The following CFAP54 variants were observed in gnomAD, a reference collection of about 807,000 sequenced individuals.
CFAP54 encodes the protein cilia- and flagella-associated protein 54.
Under a neutral mutation model 370.4 loss-of-function variants are expected in CFAP54, and 290 were observed. The ratio of observed to expected loss-of-function variants is 0.78; its 90% confidence interval spans 0.71 to 0.86. CFAP54 has a LOEUF of 0.86. CFAP54 is among the 40% of genes least tolerant of loss of function. CFAP54 has a pLI of 0.00. For synonymous variants in CFAP54, 1,206 were observed against 1,236.5 expected (o/e 0.98, Z 0.52); for missense variants, 3,399 against 3,528.7 (o/e 0.96, Z 0.93).
intron 66 of CFAP54, among the ~76,000 whole-genome samples, chr12:96,853,338 G>A (rs1462608146): frequency 6.6e-6 from 1 of 152,098 alleles, no homozygotes; most frequent in Non-Finnish European, 1.5e-5. Context: ...CTATTCATAT[G>A]CAGTAAAAAC....
intron 3 of CFAP54, among the ~76,000 whole-genome samples, chr12:96,505,666 C>A (rs1022351074): frequency 3.3e-5 from 5 of 151,954 alleles, no homozygotes; most frequent in Non-Finnish European, 7.4e-5. Context: ...TCATGCCTGG[C>A]TAATTTTTGT....
At chr12:96,819,084 C>T (rs1959004862) in intron 65 of CFAP54, among the ~76,000 whole-genome samples, 1 of 152,252 alleles carries the variant, frequency 6.6e-6, no homozygotes, top group Non-Finnish European at 1.5e-5. Context: ...CACAATTCCG[C>T]TCTGCAGAGG....
At chr12:96,621,857 T>C (rs1956494569) in intron 27 of CFAP54, 136 bp downstream of exon 27, 2 of 339,358 alleles carry the variant, frequency 5.9e-6, no homozygotes. Context: ...AGTATTATAG[T>C]AAAGAGCTTT....
rs866957527 is a variant in CFAP54 at position 96,549,765 on chromosome 12, C to G, written c.2154+1787C>G. On this transcript the variant is annotated intron_variant, in intron 15 of 67. Transcript: ENST00000524981. ...GATATTGTAATGTGGAAACTAGTAC[C>G]TGGCACATGATAGCTGCTGTTTTTC... 2.0e-5 allele frequency among the ~76,000 whole-genome samples: 3 copies of G among 152,212 alleles called. No individual in the cohort carries two copies. The South Asian group carries it at 6.2e-4, about 32-fold the overall frequency.
In CFAP54 at chr12:96,743,982, C is replaced by T. The variant is rs112456197; in HGVS notation, c.7558-38C>T. 1.1e-3 allele frequency: 1,801 copies of T among 1,602,042 alleles called. 19 individuals are homozygous for T. In the African/African-American group the frequency reaches 0.02, roughly 17 times the overall value. ...TCTTTCCTCCTATTCCAAACCACGT[C>T]AACTAATTGCTCATTACAATATTTG... is the stretch of plus-strand genomic sequence containing the variant. On this transcript the variant is annotated intron_variant, in intron 54 of 67. Transcript: ENST00000524981.
chr12:96,744,829 A>T (rs1822949424), intron 55 of CFAP54, among the ~76,000 whole-genome samples: 1 of 152,122 alleles, frequency 6.6e-6, no homozygotes, highest in Non-Finnish European at 1.5e-5. Flanking sequence ...TTCATTGGCC[A>T]TTCTTCCTGA....
chr12:96,583,871 C>G lies in CFAP54; in HGVS notation c.3075+2766C>G, dbSNP rs143405196. Among the ~76,000 whole-genome samples the G allele has an allele frequency of 3.7e-3, 570 of 152,304 alleles. 4 individuals are homozygous for G. The highest frequency in any genetic ancestry group is 0.012 in the African/African-American group (512 of 41,568). On this transcript the variant is annotated intron_variant, in intron 22 of 67. Coordinates refer to ENST00000524981, the MANE Select transcript of CFAP54 (RefSeq NM_001306084.2). Reference sequence around the variant, plus strand: ...TGACCCTCTGCTCCTTAGAGAGCTCCTCTTCTCTTTAACCCTCTTCCTTCC... The same window carrying G: ...TGACCCTCTGCTCCTTAGAGAGCTCGTCTTCTCTTTAACCCTCTTCCTTCC...
chr12:96,539,064 G>GTTTTTTTT (rs1314197505), intron 13 of CFAP54, among the ~76,000 whole-genome samples: 4,149 of 111,038 alleles, frequency 0.037, 537 homozygotes, highest in South Asian at 0.049. Context: ...GCCTTTTCAG[G>GTTTTTTTT]TTTTTTTTTT....
chr12:96,682,350 A>T lies in CFAP54; in HGVS notation c.5717-2298A>T, dbSNP rs574408262. 3.4e-5 allele frequency: 33 copies of T among 980,324 alleles called. No individual in the cohort carries two copies. The African/African-American group carries it at 4.7e-4, about 14-fold the overall frequency. The allele number at this position is 980,324 out of a possible 1,614,324, so 60.7% of individuals were successfully genotyped here. A position where few individuals can be genotyped will look rare whatever the true frequency, so the allele number is the denominator to read the frequency against. On this transcript the variant is annotated intron_variant, in intron 40 of 67. Transcript: ENST00000524981. The stretch of plus-strand genomic sequence containing the variant: ...ACCAAACTATTGGTAAGAGTTAGCC[A>T]TTATGTACTCATTTTCTTTAAATTT...
intron 66 of CFAP54, among the ~76,000 whole-genome samples, chr12:96,833,994 C>G (rs979231885): frequency 2.0e-5 from 3 of 152,136 alleles, no homozygotes; most frequent in African/African-American, 7.2e-5. Flanking sequence ...CAAGGTCTCA[C>G]AGCTTGATAA....
intron 55 of CFAP54, among the ~76,000 whole-genome samples, chr12:96,746,151 C>T (rs922075652): frequency 5.9e-5 from 9 of 152,124 alleles, no homozygotes; most frequent in African/African-American, 1.9e-4. Flanking sequence ...TTTTACCCCT[C>T]TCTCACATGT....
chr12:96,597,604 A>G (rs1338181354), intron 25 of CFAP54, among the ~76,000 whole-genome samples: 2 of 151,836 alleles, frequency 1.3e-5, no homozygotes, highest in Non-Finnish European at 2.9e-5. Flanking sequence ...ACCAAATAAT[A>G]TTATGCAGCC....
At chr12:96,680,201 AC>A (rs1292439702) in intron 40 of CFAP54, among the ~76,000 whole-genome samples, 1 of 152,254 alleles carries the variant, frequency 6.6e-6, no homozygotes, top group East Asian at 1.9e-4. Context: ...TCTTATTAAT[AC>A]TATAGATTTT....
At chr12:96,845,924 C>T (rs1959330465) in intron 66 of CFAP54, among the ~76,000 whole-genome samples, 1 of 152,052 alleles carries the variant, frequency 6.6e-6, no homozygotes. Flanking sequence ...CACGTGTCAC[C>T]CACTTAGGAT....
chr12:96,674,060 C>T (rs939883228), intron 39 of CFAP54, among the ~76,000 whole-genome samples: 1 of 152,198 alleles, frequency 6.6e-6, no homozygotes, highest in Admixed American at 6.5e-5. Flanking sequence ...TTTTTGCATT[C>T]TGCCTGGGAT....
At chr12:96,802,044 T>C (rs928975732) in intron 63 of CFAP54, among the ~76,000 whole-genome samples, 15 of 152,110 alleles carry the variant, frequency 9.9e-5, no homozygotes, top group African/African-American at 2.9e-4. Context: ...CCCTCCCTGA[T>C]TGCAGGCCTA....
intron 55 of CFAP54, among the ~76,000 whole-genome samples, chr12:96,748,015 G>T (rs1431010439): frequency 6.6e-6 from 1 of 151,664 alleles, no homozygotes; most frequent in Admixed American, 6.6e-5. Flanking sequence ...TTCCCAGTCT[G>T]CAGACTCAGA....
chr12:96,555,305 A>G (rs1381062083), intron 17 of CFAP54, among the ~76,000 whole-genome samples: 3 of 152,004 alleles, frequency 2.0e-5, no homozygotes, highest in African/African-American at 7.2e-5. Flanking sequence ...TTCAAATAAT[A>G]TTGTATATAG....
chr12:96,754,775 G>A (rs552188796), intron 56 of CFAP54, among the ~76,000 whole-genome samples: 2 of 147,832 alleles, frequency 1.4e-5, no homozygotes, highest in South Asian at 2.2e-4. Context: ...GTGTAGTCTC[G>A]CTCTGTTGCC....
Sources: allele counts gnomAD v4.1 joint callset (sites outside exome capture counted in the v4.1 genomes callset), GRCh38; gene constraint gnomAD v4.1.1; transcripts MANE v1.5; gene names NCBI Gene and HGNC (gene_info 2026-07-23, HGNC 2026-07-21).